The following ATF6 variants were observed in gnomAD, a reference collection of about 807,000 sequenced individuals.
The protein encoded by ATF6 is cyclic AMP-dependent transcription factor ATF-6 alpha.
ATF6 carries 53 observed loss-of-function variants against 83.6 expected under a neutral mutation model. The ratio of observed to expected loss-of-function variants is 0.63; its 90% CI spans 0.51 to 0.80. ATF6 has a LOEUF of 0.80. Ranked by LOEUF, ATF6 falls within the 30% of genes least tolerant of loss-of-function variation. ATF6 has a pLI of 0.00. For missense variants in ATF6, 744 were observed against 797.9 expected (o/e 0.93, Z 0.81); for synonymous variants, 288 against 285.8 (o/e 1.01, Z -0.08).
At chr1:161,887,494 A>G (rs1687451796) in intron 14 of ATF6, among the ~76,000 whole-genome samples, 2 of 152,190 alleles carry the variant, frequency 1.3e-5, no homozygotes, top group South Asian at 4.1e-4. Context: ...TAAAGGGGAT[A>G]ATTGTTATCA....
chr1:161,833,671 G>C (rs1233865176), intron 9 of ATF6, among the ~76,000 whole-genome samples: 2 of 152,102 alleles, frequency 1.3e-5, no homozygotes, highest in Non-Finnish European at 2.9e-5. Context: ...GGAAGACGAA[G>C]TGAATGAAAT....
rs1685752548 is a variant in ATF6, at chr1:161,821,174, A to G, written c.1187+13A>G. 1 of 1,552,478 alleles carries G rather than the reference A, an allele frequency of 6.4e-7. No homozygotes were observed. The highest frequency in any genetic ancestry group is 8.8e-7 in the Non-Finnish European group (1 of 1,138,432). On this transcript the variant is annotated intron_variant, in intron 9 of 15. Transcript: ENST00000367942. ...ATGGACCTATGAGGTAAGTGAATAG[A>G]TATTTATTTTGGACACTAATGCTAA... is the stretch of plus-strand genomic sequence containing the variant.
intron 14 of ATF6, among the ~76,000 whole-genome samples, chr1:161,870,249 G>C (rs1687093812): frequency 1.3e-5 from 2 of 151,758 alleles, no homozygotes; most frequent in Non-Finnish European, 3.0e-5. Flanking sequence ...TATAATTATA[G>C]ATTAAGTACT....
At position 161,942,562 on chromosome 1, in the gene ATF6, T is replaced by G. The variant is rs1199560117; in HGVS notation, c.1805-15884T>G. Among the ~76,000 whole-genome samples, 5 of 152,232 alleles carry G rather than the reference T, an allele frequency of 3.3e-5. No homozygotes were observed. The South Asian group carries it at 1.0e-3, about 32-fold the overall frequency. ...TGTCTCTCCACTGTGCCACACACAC[T>G]GACTCCACACAATAACAATTACTCC... On this transcript the variant is annotated intron_variant, in intron 15 of 15. Coordinates refer to ENST00000367942, the MANE Select transcript of ATF6 (RefSeq NM_007348.4).
At chr1:161,853,171 A>G (rs1344614213) in intron 11 of ATF6, 53 bp from the exon 12 acceptor site, 2 of 1,282,300 alleles carry the variant, frequency 1.6e-6, no homozygotes, top group East Asian at 2.5e-5. Context: ...TGAAACATCC[A>G]TTTCTATGTT....
At chr1:161,841,687 A>G (rs1219182389) in intron 9 of ATF6, among the ~76,000 whole-genome samples, 1 of 152,194 alleles carries the variant, frequency 6.6e-6, no homozygotes, top group Admixed American at 6.5e-5. Flanking sequence ...TGTGAAGCTC[A>G]TTGAATGCGT....
chr1:161,831,110 C>A (rs1352994251), intron 9 of ATF6, among the ~76,000 whole-genome samples: 3 of 151,978 alleles, frequency 2.0e-5, no homozygotes, highest in East Asian at 1.9e-4. Context: ...AAGAAAAAAA[C>A]AACCCCATCA....
intron 15 of ATF6, among the ~76,000 whole-genome samples, chr1:161,955,428 G>A (rs1475293505): frequency 6.6e-6 from 1 of 152,168 alleles, no homozygotes; most frequent in Non-Finnish European, 1.5e-5. Context: ...AGGAGTTCTG[G>A]GGGCTCTCTG....
At chr1:161,895,395 G>C (rs1227010956) in intron 14 of ATF6, among the ~76,000 whole-genome samples, 4 of 152,134 alleles carry the variant, frequency 2.6e-5, no homozygotes, top group Non-Finnish European at 5.9e-5. Flanking sequence ...ATGCATATAT[G>C]TTTTTACATC....
chr1:161,961,812 T>G lies in ATF6; in HGVS notation c.*3158T>G, dbSNP rs1381622063. On this transcript the variant is annotated 3_prime_UTR_variant, in exon 16 of 16. Transcript: ENST00000367942. ...GACTGATGGGAATAGTCTTTCTGCCTGGTTGCAAGTCCCAAATTTTTAAGG... is the reference window on the plus strand; with the variant it reads ...GACTGATGGGAATAGTCTTTCTGCCGGGTTGCAAGTCCCAAATTTTTAAGG... 2 of 152,212 alleles carry G rather than the reference T, an allele frequency of 1.3e-5. No individual in the cohort carries two copies. The highest frequency in any genetic ancestry group is 2.9e-5 in the Non-Finnish European group (2 of 68,034). 9.4% of individuals were successfully genotyped at this position (152,212 alleles called of 1,614,324 possible). A position where few individuals can be genotyped will look rare whatever the true frequency, so the allele number is the denominator to read the frequency against.
chr1:161,893,347 G>C (rs1400022098), intron 14 of ATF6, among the ~76,000 whole-genome samples: 1 of 151,740 alleles, frequency 6.6e-6, no homozygotes, highest in African/African-American at 2.4e-5. Flanking sequence ...TGTATTTTTA[G>C]TAGAGACGGG....
Position 161,766,327 on chromosome 1 carries a change from A to G in ATF6, c.-34A>G, listed in dbSNP as rs935352587. The G allele has an allele frequency of 1.3e-6, 2 of 1,599,620 alleles. No individual in the cohort carries two copies. The highest frequency in any genetic ancestry group is 1.7e-6 in the Non-Finnish European group (2 of 1,167,960). ...GCCTGCCGCCGCCGTCCCAGATATT[A>G]ATCACGGAGTTCCAGGGAGAAGGAA... On this transcript the variant is annotated 5_prime_UTR_variant, in exon 1 of 16. Transcript: ENST00000367942.
chr1:161,948,069 C>G (rs948664829), intron 15 of ATF6, among the ~76,000 whole-genome samples: 2 of 151,940 alleles, frequency 1.3e-5, no homozygotes, highest in African/African-American at 2.4e-5. Flanking sequence ...AGTGATCCAC[C>G]CCCCCGTCAG....
At chr1:161,821,632 G>A (rs1313805715) in intron 9 of ATF6, among the ~76,000 whole-genome samples, 2 of 152,202 alleles carry the variant, frequency 1.3e-5, no homozygotes, top group Admixed American at 6.5e-5. Context: ...ATAAAAAAGT[G>A]AAAAGTTCAG....
At chr1:161,908,071 T>C (rs925955670) in intron 14 of ATF6, among the ~76,000 whole-genome samples, 2 of 152,202 alleles carry the variant, frequency 1.3e-5, no homozygotes, top group African/African-American at 4.8e-5. Flanking sequence ...ATTATACTAA[T>C]ACAATTAATG....
At chr1:161,872,157 G>A (rs376246766) in intron 14 of ATF6, among the ~76,000 whole-genome samples, 4 of 151,516 alleles carry the variant, frequency 2.6e-5, no homozygotes, top group East Asian at 1.9e-4. Context: ...TGAGGCAGTC[G>A]TGTCCATTGT....
chr1:161,780,915 C>T (rs764968086), intron 2 of ATF6, among the ~76,000 whole-genome samples: 8 of 151,984 alleles, frequency 5.3e-5, no homozygotes, highest in Non-Finnish European at 8.8e-5. Context: ...TGGGTTTTGC[C>T]ATGTTGCCCA....
intron 15 of ATF6, among the ~76,000 whole-genome samples, chr1:161,937,844 C>T (rs12142836): frequency 0.63 from 95,417 of 151,302 alleles, 31,860 homozygotes; most frequent in Non-Finnish European, 0.75. Flanking sequence ...ACCTATGTAA[C>T]AAACCTGCAC....
chr1:161,771,668 C>T (rs1008379416), intron 1 of ATF6, among the ~76,000 whole-genome samples: 1 of 152,046 alleles, frequency 6.6e-6, no homozygotes, highest in African/African-American at 2.4e-5. Flanking sequence ...CTGGAGTATG[C>T]GGTGGAGCAA....
Sources: gnomAD v4.1 joint callset for allele counts (sites outside exome capture counted in the v4.1 genomes callset) on GRCh38, gnomAD v4.1.1 for gene constraint, MANE v1.5 for transcripts, NCBI Gene and HGNC (gene_info 2026-07-23, HGNC 2026-07-21) for gene names.